Variants in MACROD1 observed in about 807,000 individuals in gnomAD.
MACROD1 encodes mono-ADP ribosylhydrolase 1, also known as ADP-ribose glycohydrolase MACROD1.
MACROD1 carries 31 observed loss-of-function variants against 41.4 expected under a neutral mutation model. The observed-to-expected ratio is 0.75, with a 90% CI of 0.56 to 1.01. The LOEUF (loss-of-function observed/expected upper bound fraction) is 1.01. MACROD1 is among the 50% of genes least tolerant of loss of function. MACROD1 has a pLI of 0.00. For synonymous variants in MACROD1, 252 were observed against 203.4 expected, an observed-to-expected ratio of 1.24 and a Z score of -2.03; for missense variants, 473 against 460.0, an observed-to-expected ratio of 1.03 and a Z score of -0.26.
At chr11:64,013,962 C>T (rs1228374431) in intron 4 of MACROD1, among the ~76,000 whole-genome samples, 3 of 152,128 alleles carry the variant, frequency 2.0e-5, no homozygotes, top group Non-Finnish European at 2.9e-5. Flanking sequence ...CACTCCTCAT[C>T]AAGCTCCTAT....
chr11:64,119,651 C>T lies in MACROD1; in HGVS notation c.517+31588G>A, dbSNP rs139548052. On this transcript the variant is annotated intron_variant, in intron 3 of 10. Transcript: ENST00000255681. ...CCCTCCCTGAATGTAGAAAACTCAG[C>T]TGGGCCCACCCCTGGGACTCTGTTT... Among the ~76,000 whole-genome samples the T allele has an allele frequency of 3.3e-3, 509 of 152,252 alleles. 2 individuals carry two copies. Among genetic ancestry groups the T allele is most frequent in the African/African-American group, 0.011 (474 of 41,546 alleles).
chr11:64,116,436 G>C (rs201349682), intron 3 of MACROD1: 1 of 1,614,034 alleles, frequency 6.2e-7, no homozygotes, highest in East Asian at 2.2e-5. Context: ...CTGCCCCTCG[G>C]TGTGCCGCTG....
At chr11:64,116,362 G>A (rs745736386) in intron 3 of MACROD1, 6 of 1,613,114 alleles carry the variant, frequency 3.7e-6, no homozygotes, top group South Asian at 1.1e-5. Flanking sequence ...ATGGACCTGC[G>A]GGACTGGCTG....
intron 3 of MACROD1, among the ~76,000 whole-genome samples, chr11:64,044,006 G>A (rs1456888626): frequency 4.0e-5 from 6 of 151,854 alleles, no homozygotes; most frequent in Non-Finnish European, 7.4e-5. Context: ...GTAGAGACGG[G>A]GATTCACCAT....
intron 3 of MACROD1, among the ~76,000 whole-genome samples, chr11:64,076,693 T>A (rs909231005): frequency 6.6e-6 from 1 of 151,934 alleles, no homozygotes; most frequent in African/African-American, 2.4e-5. Context: ...CAGAAAGAGG[T>A]TGGTCCTCCA....
chr11:64,055,240 G>A (rs903696507), intron 3 of MACROD1, among the ~76,000 whole-genome samples: 1 of 152,248 alleles, frequency 6.6e-6, no homozygotes, highest in Non-Finnish European at 1.5e-5. Context: ...GGGGCAGCCA[G>A]TAGCTTTGCC....
intron 3 of MACROD1, among the ~76,000 whole-genome samples, chr11:64,061,269 A>T (rs908656952): frequency 2.0e-5 from 3 of 152,224 alleles, no homozygotes; most frequent in African/African-American, 7.2e-5. Context: ...GCTGGCTGTC[A>T]GGGCAGATGG....
In MACROD1 at chr11:64,000,218, G is replaced by A. The variant is rs1334900486; in HGVS notation, c.664+9C>T. 1 of 1,601,986 alleles carries A rather than the reference G, an allele frequency of 6.2e-7. No homozygotes were observed. The highest frequency in any genetic ancestry group is 8.5e-7 in the Non-Finnish European group (1 of 1,174,864). On this transcript the variant is annotated intron_variant, in intron 5 of 10. Coordinates refer to ENST00000255681, the MANE Select transcript of MACROD1 (RefSeq NM_014067.4). ...GCGCCCCACAGCTGGGGGCGCGTCG[G>A]GGACTCACACTTGGCCGGGAGCCGA... is the stretch of plus-strand genomic sequence containing the variant.
At chr11:64,116,774 G>A (rs938762117) in intron 3 of MACROD1, 3 of 1,613,616 alleles carry the variant, frequency 1.9e-6, no homozygotes, top group Non-Finnish European at 1.7e-6. Context: ...TCAGCATTGA[G>A]GAGGACGCCT....
At chr11:64,139,941 G>C (rs1945387975) in intron 3 of MACROD1, among the ~76,000 whole-genome samples, 1 of 141,124 alleles carries the variant, frequency 7.1e-6, no homozygotes, top group African/African-American at 2.7e-5. Flanking sequence ...GGGTGACAGA[G>C]CGAGACTCAG....
At position 64,156,445 on chromosome 11, in the gene MACROD1, G is replaced by A. The variant is rs1336135688; in HGVS notation, c.299-4052C>T. 7.2e-5 allele frequency among the ~76,000 whole-genome samples: 11 copies of A among 152,280 alleles called. No homozygotes were observed. The South Asian group carries it at 8.3e-4, about 11-fold the overall frequency. Reference sequence around the variant, plus strand: ...TGGCGGGACTGGTGGGCTGGGACCCGGACGGACCCCAGAGGCCTTGCTGAA... The same window carrying A: ...TGGCGGGACTGGTGGGCTGGGACCCAGACGGACCCCAGAGGCCTTGCTGAA... On this transcript the variant is annotated intron_variant, in intron 1 of 10. Coordinates refer to ENST00000255681, the MANE Select transcript of MACROD1 (RefSeq NM_014067.4).
At chr11:64,145,462 G>A (rs1049764116) in intron 3 of MACROD1, among the ~76,000 whole-genome samples, 1 of 152,076 alleles carries the variant, frequency 6.6e-6, no homozygotes, top group African/African-American at 2.4e-5. Context: ...GCCAGGCCCT[G>A]GGCCCAGGGC....
intron 3 of MACROD1, among the ~76,000 whole-genome samples, chr11:64,063,450 G>A (rs1039004903): frequency 3.9e-5 from 6 of 152,072 alleles, no homozygotes; most frequent in South Asian, 4.1e-4. Flanking sequence ...CAGGGGTGGC[G>A]AATTGTGCTT....
chr11:64,085,623 C>T (rs1309967950), intron 3 of MACROD1, among the ~76,000 whole-genome samples: 4 of 152,236 alleles, frequency 2.6e-5, no homozygotes, highest in Admixed American at 2.6e-4. Context: ...AGCCTTGTTC[C>T]TCTGCCCCAC....
At chr11:64,118,594 G>GT (rs10570373) in intron 3 of MACROD1, 1,429 of 240,598 alleles carry the variant, frequency 5.9e-3, no homozygotes, top group East Asian at 0.021. Context: ...GCTGGGTTGG[G>GT]TTTTTTTTTT....
intron 3 of MACROD1, among the ~76,000 whole-genome samples, chr11:64,042,062 C>A (rs943244134): frequency 3.9e-5 from 6 of 152,208 alleles, no homozygotes. Flanking sequence ...GTGGGCCAGG[C>A]CTGGAGCTGG....
At chr11:64,136,933 T>G (rs907731377) in intron 3 of MACROD1, among the ~76,000 whole-genome samples, 1 of 152,124 alleles carries the variant, frequency 6.6e-6, no homozygotes, top group Admixed American at 6.5e-5. Flanking sequence ...GGAGGGCTGG[T>G]GCGGGGCTGG....
chr11:64,034,143 A>C lies in MACROD1; in HGVS notation c.518-18862T>G, dbSNP rs113073437. 8.5e-5 allele frequency among the ~76,000 whole-genome samples: 13 copies of C among 152,300 alleles called. 1 individual carries two copies. The highest frequency in any genetic ancestry group is 3.1e-4 in the African/African-American group (13 of 41,562). ...AAGACATTTAGTTCAGAAGAGGAGG[A>C]AGGCTTGAACATAATTCCTGAGCCA... On this transcript the variant is annotated intron_variant, in intron 3 of 10. Transcript: ENST00000255681.
intron 3 of MACROD1, among the ~76,000 whole-genome samples, chr11:64,105,781 C>T (rs916693005): frequency 3.9e-5 from 6 of 152,156 alleles, no homozygotes; most frequent in African/African-American, 7.2e-5. Flanking sequence ...TACAGTTGGG[C>T]GCCAAGGCCC....
Sources: allele counts gnomAD v4.1 joint callset (sites outside exome capture counted in the v4.1 genomes callset), GRCh38; gene constraint gnomAD v4.1.1; transcripts MANE v1.5; gene names NCBI Gene and HGNC (gene_info 2026-07-23, HGNC 2026-07-21).